SIDT2: variants seen among roughly 807,000 people sequenced by gnomAD.
SIDT2 encodes SID1 transmembrane family, member 2.
A neutral mutation model predicts 114.4 loss-of-function variants in SIDT2; 68 were observed. The ratio of observed to expected loss-of-function variants is 0.59; its 90% CI spans 0.49 to 0.73. The LOEUF is 0.73. Among genes scored for constraint, SIDT2 ranks in the 30% least tolerant of loss-of-function variants. The pLI is 0.00. For missense variants in SIDT2, 918 were observed against 1,097.1 expected (o/e 0.84, Z 2.31); for synonymous variants, 470 against 438.4 (o/e 1.07, Z -0.90).
At chr11:117,189,555 T>C in intron 15 of SIDT2, 154 bp downstream of exon 15, 1 of 755,130 alleles carries the variant, frequency 1.3e-6, no homozygotes, top group Non-Finnish European at 2.2e-6. Flanking sequence ...GCAAATCACA[T>C]AACCCCCCCA....
rs2030143691 is a variant in SIDT2, at chr11:117,179,090, C to T, written c.-174C>T. 1 of 672,878 alleles carries T rather than the reference C, an allele frequency of 1.5e-6. No individual in the cohort carries two copies. The highest frequency in any genetic ancestry group is 2.5e-6 in the Non-Finnish European group (1 of 406,348). The allele number at this position is 672,878 out of a possible 1,614,324, so 41.7% of individuals were successfully genotyped here. ...CCCTCCCCTGCGGGGACCCTGGGAG[C>T]CTCTTCGGGGCTCTTGGGAGGGGAC... On this transcript the variant is annotated 5_prime_UTR_variant, in exon 1 of 26. Coordinates refer to ENST00000324225, the MANE Select transcript of SIDT2 (RefSeq NM_001040455.2).
chr11:117,181,527 C>T lies in SIDT2; in HGVS notation c.295C>T (p.Leu99=). ...GGTGTCCTTCCAGGTGCCCCTAATC[C>T]TGCGAGGGATGTGAGTAGGATCTGG... ...AVVSFQVPLI[L]RGMFQRKYLY... is the part of the protein sequence containing the mutation. The change falls in exon 2 of 26, where the codon CTG becomes TTG. Residue 99 remains leucine (L), a synonymous_variant. Transcript: ENST00000324225. The T allele has an allele frequency of 6.2e-7, 1 of 1,613,946 alleles. No homozygotes were observed. The highest frequency in any genetic ancestry group is 8.5e-7 in the Non-Finnish European group (1 of 1,179,964).
At chr11:117,187,119 C>G (rs1041822807) in intron 10 of SIDT2, 4 of 1,317,140 alleles carry the variant, frequency 3.0e-6, no homozygotes, top group Non-Finnish European at 4.2e-6. Flanking sequence ...TTGCTGGTAA[C>G]TTAGATGTGC....
chr11:117,190,116 G>A lies in SIDT2; in HGVS notation c.1494-50G>A, dbSNP rs1284491707. The A allele has an allele frequency of 6.2e-7, 1 of 1,610,990 alleles. No homozygotes were observed. The highest frequency in any genetic ancestry group is 1.7e-5 in the Admixed American group (1 of 59,836). ...TGCAATGCCCACGTGGGCTAGGGAA[G>A]AGGCCTGGGTGTGAGTCCCAAGCAG... On this transcript the variant is annotated intron_variant, in intron 16 of 25. Transcript: ENST00000324225. The surrounding 1 kb of genome is among the most constrained non-coding windows in gnomAD (Gnocchi z 4.1).
intron 6 of SIDT2, 135 bp from the exon 7 acceptor site, chr11:117,183,644 A>G: frequency 1.4e-6 from 1 of 708,698 alleles, no homozygotes; most frequent in South Asian, 2.0e-5. Flanking sequence ...GTCTCAAAAA[A>G]AAAAAAAATC....
In SIDT2 at chr11:117,192,570, G is replaced by A. The variant is rs1483766471; in HGVS notation, c.1982-4G>A. 1.4e-5 allele frequency: 23 copies of A among 1,608,056 alleles called. No individual in the cohort carries two copies. In the Admixed American group the frequency reaches 1.7e-4, roughly 12 times the overall value. Reference sequence around the variant, plus strand: ...CTGTCAGCACCACTCCCTTCTCTTCGCAGACTCGGGGATCTTCCGCCGCAT... The same window carrying A: ...CTGTCAGCACCACTCCCTTCTCTTCACAGACTCGGGGATCTTCCGCCGCAT... On this transcript the variant is annotated splice_region_variant and splice_polypyrimidine_tract_variant and intron_variant, in intron 20 of 25. Coordinates refer to ENST00000324225, the MANE Select transcript of SIDT2 (RefSeq NM_001040455.2). This position sits in a 1 kb window ranked among gnomAD's most constrained non-coding sequence, Gnocchi z 5.9.
chr11:117,182,016 C>T, intron 3 of SIDT2, 44 bp from the exon 4 acceptor site: 1 of 1,614,084 alleles, frequency 6.2e-7, no homozygotes, highest in Non-Finnish European at 8.5e-7. Context: ...GGTTCTTCCC[C>T]AGGCTCCGGG....
intron 24 of SIDT2, 95 bp downstream of exon 24, chr11:117,194,058 C>A: frequency 1.0e-6 from 1 of 994,030 alleles, no homozygotes; most frequent in Non-Finnish European, 1.5e-6. Context: ...GTAATCCCAG[C>A]ACTTTGGGAA....
chr11:117,187,333 C>T (rs1401516836), intron 10 of SIDT2, 45 bp from the exon 11 acceptor site: 3 of 1,571,342 alleles, frequency 1.9e-6, no homozygotes, highest in East Asian at 4.5e-5. Context: ...GGCTCTAGGC[C>T]TCTCTCTTCG....
chr11:117,187,255 T>A, intron 10 of SIDT2, 123 bp from the exon 11 acceptor site: 1 of 1,037,124 alleles, frequency 9.6e-7, no homozygotes, highest in South Asian at 1.3e-5. Flanking sequence ...GGATAGGTGC[T>A]GCTTCTCGTC....
intron 23 of SIDT2, 91 bp from the exon 24 acceptor site, chr11:117,193,762 G>GT: frequency 1.1e-6 from 1 of 905,750 alleles, no homozygotes; most frequent in Non-Finnish European, 1.8e-6. Context: ...GGGAGGCCAT[G>GT]AGGAAAGGGA....
intron 18 of SIDT2, 118 bp from the exon 19 acceptor site, chr11:117,191,760 A>G (rs2030708801): frequency 7.0e-7 from 1 of 1,421,184 alleles, no homozygotes; most frequent in Admixed American, 2.0e-5. Flanking sequence ...ACCAGCTCAC[A>G]CCATGGCCGT....
chr11:117,193,400 A>G, intron 23 of SIDT2, 142 bp downstream of exon 23: 1 of 772,362 alleles, frequency 1.3e-6, no homozygotes. Flanking sequence ...AGCCTCTTGC[A>G]TGGGCCCCTG....
In SIDT2 at chr11:117,179,003, C is replaced by G. The variant is rs1270261150; in HGVS notation, c.-261C>G. 1.9e-6 allele frequency: 1 copy of G among 516,664 alleles called. No individual in the cohort carries two copies. The highest frequency in any genetic ancestry group is 3.5e-6 in the Non-Finnish European group (1 of 289,080). 32.0% of individuals were successfully genotyped at this position (516,664 alleles called of 1,614,324 possible). A position where few individuals can be genotyped will look rare whatever the true frequency, so the allele number is the denominator to read the frequency against. On this transcript the variant is annotated 5_prime_UTR_variant, in exon 1 of 26. Coordinates refer to ENST00000324225, the MANE Select transcript of SIDT2 (RefSeq NM_001040455.2). ...GGGTCTCAGGTCGTACTCAGCCCCT[C>G]GCGAGCTGGGACCCCTTCCCGTAGC...
At chr11:117,189,127 C>T in intron 13 of SIDT2, 42 bp from the exon 14 acceptor site, 1 of 1,601,592 alleles carries the variant, frequency 6.2e-7, no homozygotes, top group Non-Finnish European at 8.6e-7. Flanking sequence ...GGGGGCTTCT[C>T]CCAAGTAGCA....
At position 117,188,878 on chromosome 11, in the gene SIDT2, C is replaced by A; in HGVS notation, c.1278+52C>A. The A allele has an allele frequency of 2.0e-6, 3 of 1,518,762 alleles. No homozygotes were observed. Among genetic ancestry groups the A allele is most frequent in the Non-Finnish European group, 2.7e-6 (3 of 1,093,194 alleles). 94.1% of individuals were successfully genotyped at this position (1,518,762 alleles called of 1,614,324 possible). On this transcript the variant is annotated intron_variant, in intron 13 of 25. Transcript: ENST00000324225. This position sits in a 1 kb window ranked among gnomAD's most constrained non-coding sequence, Gnocchi z 4.0. Reference sequence around the variant, plus strand: ...AGGCGTTTCCTGAGAAAGGGACATTCTGCGTTCCCGCCCCAGCATGTTCCC... The same window carrying A: ...AGGCGTTTCCTGAGAAAGGGACATTATGCGTTCCCGCCCCAGCATGTTCCC...
At chr11:117,180,938 C>T (rs1349060098) in intron 1 of SIDT2, among the ~76,000 whole-genome samples, 2 of 152,238 alleles carry the variant, frequency 1.3e-5, no homozygotes, top group African/African-American at 4.8e-5. Context: ...ATACCTACCC[C>T]TCCTCAACTC....
At position 117,187,375 on chromosome 11, in the gene SIDT2, C is replaced by T. The variant is rs2030537944; in HGVS notation, c.1016-3C>T. 5 of 1,613,780 alleles carry T rather than the reference C, an allele frequency of 3.1e-6. No individual in the cohort carries two copies. The highest frequency in any genetic ancestry group is 4.2e-6 in the Non-Finnish European group (5 of 1,179,670). On this transcript the variant is annotated splice_region_variant and splice_polypyrimidine_tract_variant and intron_variant, in intron 10 of 25. Transcript: ENST00000324225. ...GCTAACAGACCTTGACTTCTCATTG[C>T]AGGTCACCCTCGAGTCCTGGCTGAT...
At chr11:117,183,310 A>C (rs533017832) in intron 6 of SIDT2, among the ~76,000 whole-genome samples, 2 of 151,388 alleles carry the variant, frequency 1.3e-5, no homozygotes, top group South Asian at 4.2e-4. Flanking sequence ...ACACCACTGC[A>C]CTCCAGCCTG....
Sources: gnomAD v4.1 joint callset for allele counts (sites outside exome capture counted in the v4.1 genomes callset) on GRCh38, gnomAD v4.1.1 for gene constraint, Gnocchi (gnomAD v3.1) non-coding constraint, MANE v1.5 for transcripts, NCBI Gene and HGNC (gene_info 2026-07-23, HGNC 2026-07-21) for gene names.